The following EFR3A variants were observed in gnomAD, a reference collection of about 807,000 sequenced individuals.
The protein encoded by EFR3A is EFR3 homolog A, also known as protein EFR3 homolog A.
A neutral mutation model predicts 104.4 loss-of-function variants in EFR3A; 76 were observed. The observed-to-expected ratio is 0.73, with a 90% CI of 0.60 to 0.88. The LOEUF is 0.88. EFR3A is among the 40% of genes least tolerant of loss of function. EFR3A has a pLI of 0.00. For synonymous variants in EFR3A, 330 were observed against 330.0 expected, an observed-to-expected ratio of 1.00 and a Z score of 0.00; for missense variants, 985 against 1,012.5, an observed-to-expected ratio of 0.97 and a Z score of 0.37.
At chr8:132,008,174 T>C (rs1389872153) in intron 22 of EFR3A, among the ~76,000 whole-genome samples, 2 of 151,994 alleles carry the variant, frequency 1.3e-5, no homozygotes. Flanking sequence ...AAATACAGTA[T>C]ACACAATACC....
At chr8:131,968,241 C>T in intron 8 of EFR3A, 54 bp from the exon 9 acceptor site, 2 of 1,536,486 alleles carry the variant, frequency 1.3e-6, no homozygotes, top group Admixed American at 4.0e-5. Flanking sequence ...CTTAGGAATT[C>T]TGCCAAGGTA....
At chr8:131,986,320 T>C (rs1285278293) in intron 17 of EFR3A, 59 bp downstream of exon 17, 1 of 848,254 alleles carries the variant, frequency 1.2e-6, no homozygotes, top group Non-Finnish European at 1.9e-6. Flanking sequence ...CCATCAGTAA[T>C]AATTATAAAG....
In EFR3A at chr8:131,953,846, C is replaced by G; in HGVS notation, c.517C>G (p.Gln173Glu). The change falls in exon 6 of 23, where the codon CAA becomes GAA. Residue 173 changes from glutamine (Q) to glutamate (E), a missense_variant. Transcript: ENST00000254624. Reference sequence around the variant, plus strand: ...ACGAATTGCTGGAATTAGAGGTATTCAAGGTGTGGTTCGCAAAACAGTCAA... The same window carrying G: ...ACGAATTGCTGGAATTAGAGGTATTGAAGGTGTGGTTCGCAAAACAGTCAA... Reference protein sequence around the residue: ...EIRIAGIRGIQGVVRKTVNDE... With the variant: ...EIRIAGIRGIEGVVRKTVNDE... 6.5e-7 allele frequency: 1 copy of G among 1,542,472 alleles called. No individual in the cohort carries two copies. Among genetic ancestry groups the G allele is most frequent in the Non-Finnish European group, 8.7e-7 (1 of 1,143,780 alleles).
intron 2 of EFR3A, among the ~76,000 whole-genome samples, chr8:131,941,387 A>G (rs962549246): frequency 3.0e-4 from 46 of 152,074 alleles, no homozygotes; most frequent in Non-Finnish European, 5.9e-4. Flanking sequence ...GCTTTATTTT[A>G]AAATGTAACA....
At chr8:131,926,791 T>A (rs1384054729) in intron 1 of EFR3A, among the ~76,000 whole-genome samples, 1 of 152,176 alleles carries the variant, frequency 6.6e-6, no homozygotes, top group African/African-American at 2.4e-5. Context: ...AGCTAGTTTT[T>A]ATGATAATCA....
At chr8:131,919,077 T>C (rs1247526099) in intron 1 of EFR3A, among the ~76,000 whole-genome samples, 1 of 134,358 alleles carries the variant, frequency 7.4e-6, no homozygotes, top group Non-Finnish European at 1.6e-5. Context: ...CACTGTCCTT[T>C]GTCAGTGATT....
At chr8:131,981,034 T>TAA (rs146402870) in intron 14 of EFR3A, among the ~76,000 whole-genome samples, 1 of 125,702 alleles carries the variant, frequency 8.0e-6, no homozygotes, top group Non-Finnish European at 1.7e-5. Context: ...TATATATATA[T>TAA]ATATATATAT....
chr8:132,003,237 C>G lies in EFR3A; in HGVS notation c.2312C>G (p.Ala771Gly), dbSNP rs767988790. The change falls in exon 22 of 23, where the codon GCA becomes GGA. Residue 771 changes from alanine to glycine, a missense_variant and splice_region_variant. Transcript: ENST00000254624. ...EEIAAQCESKANLLHDRLAQI... is the reference protein window; with the variant it reads ...EEIAAQCESKGNLLHDRLAQI... Reference sequence around the variant, plus strand: ...TTAACATTTTTTTCTTTTTTGCAGGCAAATTTGCTTCATGATAGACTTGCC... The same window carrying G: ...TTAACATTTTTTTCTTTTTTGCAGGGAAATTTGCTTCATGATAGACTTGCC... 1.2e-6 allele frequency: 2 copies of G among 1,611,366 alleles called. No individual in the cohort carries two copies. The highest frequency in any genetic ancestry group is 1.7e-6 in the Non-Finnish European group (2 of 1,178,668).
chr8:131,952,030 A>G (rs1157223577), intron 5 of EFR3A, among the ~76,000 whole-genome samples: 1 of 152,044 alleles, frequency 6.6e-6, no homozygotes, highest in Non-Finnish European at 1.5e-5. Context: ...GGTAAATGTT[A>G]GGATTTTCTT....
At chr8:131,940,667 A>G (rs2130554241) in intron 2 of EFR3A, 92 bp downstream of exon 2, 1 of 1,478,392 alleles carries the variant, frequency 6.8e-7, no homozygotes. Context: ...TCATTTCTCT[A>G]CTTTTACCCT....
intron 1 of EFR3A, among the ~76,000 whole-genome samples, chr8:131,921,319 C>G (rs1378550300): frequency 6.6e-6 from 1 of 152,002 alleles, no homozygotes; most frequent in Non-Finnish European, 1.5e-5. Context: ...GTATGTGTGT[C>G]TGTCTCTAAA....
chr8:131,961,291 G>C (rs539861169), intron 8 of EFR3A, among the ~76,000 whole-genome samples: 2 of 152,124 alleles, frequency 1.3e-5, no homozygotes, highest in African/African-American at 4.8e-5. Context: ...CGAACCCATG[G>C]CAAAGAAGTT....
intron 4 of EFR3A, 145 bp downstream of exon 4, chr8:131,946,778 C>A: frequency 1.3e-6 from 1 of 754,106 alleles, no homozygotes; most frequent in Non-Finnish European, 1.9e-6. Flanking sequence ...AATTAGAATA[C>A]TTTGCCTCTC....
At chr8:131,907,157 A>G (rs1816297998) in intron 1 of EFR3A, among the ~76,000 whole-genome samples, 2 of 152,190 alleles carry the variant, frequency 1.3e-5, no homozygotes, top group South Asian at 2.1e-4. Flanking sequence ...CATTAAGACA[A>G]ATGTAAGCTT....
chr8:131,961,248 C>T (rs560966938), intron 8 of EFR3A, among the ~76,000 whole-genome samples: 63 of 151,874 alleles, frequency 4.1e-4, no homozygotes, highest in African/African-American at 1.4e-3. Flanking sequence ...AGGCTTCAGA[C>T]GATCAAACTT....
In EFR3A at chr8:131,953,974, A is replaced by T. The variant is rs1201390754; in HGVS notation, c.638+7A>T. 1 of 1,525,006 alleles carries T rather than the reference A, an allele frequency of 6.6e-7. No homozygotes were observed. The highest frequency in any genetic ancestry group is 2.2e-5 in the Admixed American group (1 of 45,412). 94.5% of individuals were successfully genotyped at this position (1,525,006 alleles called of 1,614,324 possible). A position where few individuals can be genotyped will look rare whatever the true frequency, so the allele number is the denominator to read the frequency against. The stretch of plus-strand genomic sequence containing the variant: ...AGATAGAAGAAGTTGACAGGTATTT[A>T]AAAAAATATTAGTGTTGAGACAGTG... On this transcript the variant is annotated splice_region_variant and intron_variant, in intron 6 of 22. Transcript: ENST00000254624.
At chr8:131,952,250 C>T (rs1286406094) in intron 5 of EFR3A, among the ~76,000 whole-genome samples, 1 of 152,108 alleles carries the variant, frequency 6.6e-6, no homozygotes, top group Non-Finnish European at 1.5e-5. Context: ...AACCACTTTA[C>T]ATGAATTAAC....
chr8:131,944,731 G>T lies in EFR3A; in HGVS notation c.88-14G>T. On this transcript the variant is annotated splice_polypyrimidine_tract_variant and intron_variant, in intron 2 of 22. Transcript: ENST00000254624. ...AAAATATAGATAATCTATTTATCTTGTTATTGTTTTTAGGATGGCCTTGTG... is the reference window on the plus strand; with the variant it reads ...AAAATATAGATAATCTATTTATCTTTTTATTGTTTTTAGGATGGCCTTGTG... 6.4e-7 allele frequency: 1 copy of T among 1,561,248 alleles called. No individual in the cohort carries two copies. Among genetic ancestry groups the T allele is most frequent in the Non-Finnish European group, 8.7e-7 (1 of 1,155,150 alleles).
intron 22 of EFR3A, among the ~76,000 whole-genome samples, chr8:132,004,389 T>A (rs1225070402): frequency 6.6e-6 from 1 of 152,338 alleles, no homozygotes; most frequent in African/African-American, 2.4e-5. Context: ...CATTAGATTC[T>A]CATAGGAGCA....
Sources: allele counts gnomAD v4.1 joint callset (sites outside exome capture counted in the v4.1 genomes callset), GRCh38; gene constraint gnomAD v4.1.1; transcripts MANE v1.5; gene names NCBI Gene and HGNC (gene_info 2026-07-23, HGNC 2026-07-21).